Variants in STOML1 observed in about 807,000 individuals in gnomAD.
STOML1 encodes stomatin-like protein 1.
In STOML1, 27 loss-of-function variants were observed where a neutral mutation model predicts 35.7. The observed-to-expected ratio is 0.76, with a 90% CI of 0.56 to 1.04. The LOEUF (loss-of-function observed/expected upper bound fraction) is 1.04. Among genes scored for constraint, STOML1 ranks in the 50% least tolerant of loss-of-function variants. The pLI is 0.00. For synonymous variants in STOML1, 219 were observed against 227.9 expected, an observed-to-expected ratio of 0.96 and a Z score of 0.35; for missense variants, 451 against 527.1, an observed-to-expected ratio of 0.86 and a Z score of 1.41.
rs913716987 is a variant in STOML1, at chr15:73,980,957, G to A, written c.*2980C>T. 1 of 152,178 alleles carries A rather than the reference G, an allele frequency of 6.6e-6. No individual in the cohort carries two copies. Among genetic ancestry groups the A allele is most frequent in the African/African-American group, 2.4e-5 (1 of 41,398 alleles). 9.4% of individuals were successfully genotyped at this position (152,178 alleles called of 1,614,324 possible). A position where few individuals can be genotyped will look rare whatever the true frequency, so the allele number is the denominator to read the frequency against. On this transcript the variant is annotated 3_prime_UTR_variant, in exon 7 of 7. Transcript: ENST00000541638. Reference sequence around the variant, plus strand: ...AGCTACTCAGGAAGCTGAGGCAAGAGGATCGTTTGAGCCCCAGAGTTCAAG... The same window carrying A: ...AGCTACTCAGGAAGCTGAGGCAAGAAGATCGTTTGAGCCCCAGAGTTCAAG...
chr15:73,988,270 G>A lies in STOML1; in HGVS notation c.594+329C>T, dbSNP rs1481024810. On this transcript the variant is annotated intron_variant, in intron 4 of 6. Transcript: ENST00000541638. The surrounding 1 kb of genome is among the most constrained non-coding windows in gnomAD (Gnocchi z 4.8). ...CATCACCCATCTGCCTGCCCCATGA[G>A]TCAGGCCCGGAATGAGAGCTGTAGA... 3.6e-6 allele frequency: 1 copy of A among 277,058 alleles called. No homozygotes were observed. The highest frequency in any genetic ancestry group is 2.2e-5 in the African/African-American group (1 of 46,048). The allele number at this position is 277,058 out of a possible 1,614,324, so 17.2% of individuals were successfully genotyped here. A position where few individuals can be genotyped will look rare whatever the true frequency, so the allele number is the denominator to read the frequency against.
chr15:73,988,058 C>G lies in STOML1; in HGVS notation c.594+541G>C. 6.5e-6 allele frequency: 1 copy of G among 152,986 alleles called. No homozygotes were observed. The highest frequency in any genetic ancestry group is 1.9e-4 in the East Asian group (1 of 5,210). 9.5% of individuals were successfully genotyped at this position (152,986 alleles called of 1,614,324 possible). ...GCATGTGTATTTATTTCTACCCCAT[C>G]TTGTAGCAGAAGAGATTTAGGGCAA... is the stretch of plus-strand genomic sequence containing the variant. On this transcript the variant is annotated intron_variant, in intron 4 of 6. Coordinates refer to ENST00000541638, the MANE Select transcript of STOML1 (RefSeq NM_004809.5). The surrounding 1 kb of genome is among the most constrained non-coding windows in gnomAD (Gnocchi z 4.8).
intron 2 of STOML1, chr15:73,990,121 G>C (rs2069223323): frequency 4.0e-6 from 2 of 505,098 alleles, no homozygotes; most frequent in African/African-American, 3.9e-5. Flanking sequence ...CAGGACTTAG[G>C]AGTTTGGGAC....
upstream of STOML1, among the ~76,000 whole-genome samples, chr15:73,993,102 T>G (rs559553022): frequency 1.3e-5 from 2 of 152,258 alleles, no homozygotes; most frequent in South Asian, 4.1e-4. Flanking sequence ...ACATGCAGAC[T>G]TCGGGGAGCA....
chr15:73,991,784 A>C, intron 1 of STOML1: 1 of 575,846 alleles, frequency 1.7e-6, no homozygotes, highest in Non-Finnish European at 3.2e-6. Flanking sequence ...CGAAATAGAA[A>C]CCTGAAACGT....
rs1324509863 is a variant in STOML1, at chr15:73,992,129, C to T, written c.95G>A (p.Cys32Tyr). The change falls in exon 1 of 7, where the codon TGC becomes TAC. Residue 32 changes from cysteine to tyrosine, a missense_variant. Physicochemically the swap from Cys to Tyr is radical, Grantham distance 194. Transcript: ENST00000541638. The part of the protein sequence containing the change: ...SFGFLGSQKG[C>Y]LSPERGGVGT... ...CACGCCGCCCCGCTCCGGGGACAAG[C>T]AGCCCTTCTGCGAGCCCAGAAAGCC... 4 of 1,606,486 alleles carry T rather than the reference C, an allele frequency of 2.5e-6. No individual in the cohort carries two copies. Among genetic ancestry groups the T allele is most frequent in the Non-Finnish European group, 3.4e-6 (4 of 1,177,334 alleles).
Position 73,984,209 on chromosome 15 carries a change from G to A in STOML1, c.1004-79C>T, listed in dbSNP as rs2141662244. The A allele has an allele frequency of 2.1e-6, 3 of 1,449,564 alleles. No homozygotes were observed. The East Asian group carries it at 7.4e-5, about 36-fold the overall frequency. The allele number at this position is 1,449,564 out of a possible 1,614,324, so 89.8% of individuals were successfully genotyped here. A position where few individuals can be genotyped will look rare whatever the true frequency, so the allele number is the denominator to read the frequency against. On this transcript the variant is annotated intron_variant, in intron 6 of 6. Transcript: ENST00000541638. ...AGATCTATGGGGGTGGGAGGGGCTG[G>A]TATTTCCCATTGGGAGGAGAGTACT...
intron 2 of STOML1, chr15:73,989,986 G>C (rs2069217601): frequency 9.5e-6 from 2 of 209,502 alleles, no homozygotes; most frequent in African/African-American, 2.3e-5. Flanking sequence ...AATGAGGCCT[G>C]AATTCCTATT....
chr15:73,984,916 C>A, intron 5 of STOML1, 45 bp from the exon 6 acceptor site: 2 of 1,607,082 alleles, frequency 1.2e-6, no homozygotes, highest in South Asian at 1.1e-5. Flanking sequence ...GAGAGGAGGT[C>A]ATCGTGTTGC....
rs1258550031 is a variant in STOML1, at chr15:73,983,872, T to C, written c.*65A>G. ...TGTGGTGCAGATGAACACCTCCTCCTCCAAGAGGCCCCTCAGGCTTGGTGC... is the reference window on the plus strand; with the variant it reads ...TGTGGTGCAGATGAACACCTCCTCCCCCAAGAGGCCCCTCAGGCTTGGTGC... On this transcript the variant is annotated 3_prime_UTR_variant, in exon 7 of 7. Transcript: ENST00000541638. The C allele has an allele frequency of 1.3e-6, 2 of 1,529,658 alleles. No homozygotes were observed. The highest frequency in any genetic ancestry group is 2.8e-5 in the African/African-American group (2 of 72,326). The allele number at this position is 1,529,658 out of a possible 1,614,324, so 94.8% of individuals were successfully genotyped here. A position where few individuals can be genotyped will look rare whatever the true frequency, so the allele number is the denominator to read the frequency against.
chr15:73,989,066 G>C (rs1412772497), intron 3 of STOML1, 42 bp downstream of exon 3: 1 of 1,543,654 alleles, frequency 6.5e-7, no homozygotes, highest in Non-Finnish European at 8.7e-7. Context: ...ATTCTGGACA[G>C]GCCCCCAGTT....
chr15:73,989,420 T>A (rs571713988), intron 2 of STOML1, among the ~76,000 whole-genome samples, 163 bp from the exon 3 acceptor site: 1 of 152,338 alleles, frequency 6.6e-6, no homozygotes, highest in Admixed American at 6.5e-5. Flanking sequence ...GGAAGCTAAG[T>A]GACTGCTCAA....
chr15:73,990,904 A>G (rs2069253807), intron 1 of STOML1: 1 of 1,532,694 alleles, frequency 6.5e-7, no homozygotes, highest in Admixed American at 2.0e-5. Context: ...TCAGCCCCAG[A>G]AGTGTGCTTT....
rs2068948721 is a variant in STOML1, at chr15:73,980,482, CAT to C, written c.*3453_*3454del. On this transcript the variant is annotated 3_prime_UTR_variant, in exon 7 of 7. Transcript: ENST00000541638. ...CACAGGGAAAGGCTGTCTGTGGTAA[CAT>C]GGAAAGATCCTCAGTGGGTAATGTT... 1 of 152,162 alleles carries C rather than the reference CAT, an allele frequency of 6.6e-6. No individual in the cohort carries two copies. Among genetic ancestry groups the C allele is most frequent in the Non-Finnish European group, 1.5e-5 (1 of 68,042 alleles). 9.4% of individuals were successfully genotyped at this position (152,162 alleles called of 1,614,324 possible).
In STOML1 at chr15:73,984,763, G is replaced by A; in HGVS notation, c.899C>T (p.Pro300Leu). ...LAEGLLTALQPFLSEALVSQV... is the reference protein window; with the variant it reads ...LAEGLLTALQLFLSEALVSQV... The stretch of plus-strand genomic sequence containing the variant: ...GCTGACCAGGGCCTCAGACAGGAAG[G>A]GCTGTAGAGCAGTCAGTAGCCCCTC... Residue 300 changes from proline to leucine, a missense_variant, in exon 6 of 7, where the codon CCC (proline) becomes CTC (leucine). By Grantham distance (98) the Pro-to-Leu change is moderately conservative (BLOSUM62 -3). Transcript: ENST00000541638. 6.2e-7 allele frequency: 1 copy of A among 1,614,118 alleles called. No homozygotes were observed. The highest frequency in any genetic ancestry group is 8.5e-7 in the Non-Finnish European group (1 of 1,180,038).
chr15:73,988,836 A>C lies in STOML1; in HGVS notation c.391-34T>G, dbSNP rs761045912. ...GGAGGCCATGAGAGAGAGACACTCAAGGGGCTGGGGGTGCAGGGAGGTCAG... is the reference window on the plus strand; with the variant it reads ...GGAGGCCATGAGAGAGAGACACTCACGGGGCTGGGGGTGCAGGGAGGTCAG... On this transcript the variant is annotated intron_variant, in intron 3 of 6. Coordinates refer to ENST00000541638, the MANE Select transcript of STOML1 (RefSeq NM_004809.5). The surrounding 1 kb of genome is among the most constrained non-coding windows in gnomAD (Gnocchi z 4.8). 5.9e-5 allele frequency: 95 copies of C among 1,597,156 alleles called. No individual in the cohort carries two copies. In the Admixed American group the frequency reaches 1.2e-3, roughly 20 times the overall value.
In STOML1 at chr15:73,982,048, C is replaced by T. The variant is rs2068966577; in HGVS notation, c.*1889G>A. ...GTCTTCCCTACCCTCCAGCCCTACC[C>T]CAGCCAAGGGGCCGTGCCAGCTTTC... On this transcript the variant is annotated 3_prime_UTR_variant, in exon 7 of 7. Coordinates refer to ENST00000541638, the MANE Select transcript of STOML1 (RefSeq NM_004809.5). 1.3e-5 allele frequency: 2 copies of T among 152,396 alleles called. No homozygotes were observed. Among genetic ancestry groups the T allele is most frequent in the Admixed American group, 1.3e-4 (2 of 15,284 alleles). 9.4% of individuals were successfully genotyped at this position (152,396 alleles called of 1,614,324 possible).
At chr15:73,990,905 A>C in intron 1 of STOML1, 1 of 1,532,644 alleles carries the variant, frequency 6.5e-7, no homozygotes, top group Non-Finnish European at 8.7e-7. Flanking sequence ...CAGCCCCAGA[A>C]GTGTGCTTTC....
intron 1 of STOML1, chr15:73,990,908 G>A (rs2069254136): frequency 6.5e-7 from 1 of 1,530,860 alleles, no homozygotes. Flanking sequence ...CCCCAGAAGT[G>A]TGCTTTCCAG....
Sources: gnomAD v4.1 joint callset for allele counts (sites outside exome capture counted in the v4.1 genomes callset) on GRCh38, gnomAD v4.1.1 for gene constraint, Gnocchi (gnomAD v3.1) non-coding constraint, MANE v1.5 for transcripts, NCBI Gene and HGNC (gene_info 2026-07-23, HGNC 2026-07-21) for gene names.